Variants in HECW1 observed in about 807,000 individuals in gnomAD.
HECW1 encodes E3 ubiquitin-protein ligase HECW1.
A neutral mutation model predicts 182.3 loss-of-function variants in HECW1; 61 were observed. The ratio of observed to expected loss-of-function variants is 0.33; its 90% CI spans 0.27 to 0.41. The LOEUF (loss-of-function observed/expected upper bound fraction) is 0.41. Ranked by LOEUF, HECW1 falls within the 10% of genes least tolerant of loss-of-function variation. The probability of loss-of-function intolerance (pLI) is 1.00; values close to 1 mark genes in which losing one functional copy is unlikely to be tolerated. For missense variants in HECW1, 1,739 were observed against 2,108.9 expected, an observed-to-expected ratio of 0.82 and a Z score of 3.44; for synonymous variants, 859 against 832.6, an observed-to-expected ratio of 1.03 and a Z score of -0.55.
At chr7:43,553,873 C>T (rs73100779) in intron 28 of HECW1, among the ~76,000 whole-genome samples, 24,206 of 152,194 alleles carry the variant, frequency 0.16, 2,541 homozygotes, top group Non-Finnish European at 0.24. Context: ...GCCCTTTGCA[C>T]GCTGCTCGTA....
At chr7:43,359,293 A>G (rs1279063578) in intron 5 of HECW1, among the ~76,000 whole-genome samples, 1 of 152,198 alleles carries the variant, frequency 6.6e-6, no homozygotes, top group African/African-American at 2.4e-5. Context: ...AAAATGTAGT[A>G]CTTTAGCTGG....
chr7:43,282,036 C>T (rs1291396389), intron 3 of HECW1, among the ~76,000 whole-genome samples: 2 of 152,194 alleles, frequency 1.3e-5, no homozygotes, highest in African/African-American at 4.8e-5. Context: ...GACTTTATTG[C>T]ACTCTGCCTC....
chr7:43,541,678 T>C (rs1403695128), intron 25 of HECW1, among the ~76,000 whole-genome samples, 191 bp from the exon 26 acceptor site: 1 of 152,264 alleles, frequency 6.6e-6, no homozygotes, highest in African/African-American at 2.4e-5. Context: ...AATTTCACAT[T>C]TCCTTTTCAA....
chr7:43,247,882 A>AGGG (rs147641471), intron 3 of HECW1, among the ~76,000 whole-genome samples: 41,397 of 119,538 alleles, frequency 0.35, 11,129 homozygotes, highest in African/African-American at 0.78. Flanking sequence ...GCAAGCAAGA[A>AGGG]AGGGAGGGAG....
chr7:43,221,766 G>A (rs1161304707), intron 2 of HECW1, among the ~76,000 whole-genome samples: 1 of 151,860 alleles, frequency 6.6e-6, no homozygotes, highest in Non-Finnish European at 1.5e-5. Context: ...TATTAGCCAG[G>A]ATGGTGTCGA....
chr7:43,392,359 A>G (rs559200349), intron 6 of HECW1, among the ~76,000 whole-genome samples: 1 of 152,362 alleles, frequency 6.6e-6, no homozygotes, highest in South Asian at 2.1e-4. Flanking sequence ...GAAATGCCAT[A>G]TGCACTAAAG....
intron 6 of HECW1, among the ~76,000 whole-genome samples, chr7:43,375,175 A>G (rs180901863): frequency 3.9e-5 from 6 of 152,354 alleles, no homozygotes; most frequent in African/African-American, 1.2e-4. Context: ...TTTTGAACTG[A>G]AGAATGCTAT....
chr7:43,463,608 C>T (rs1382099653), intron 13 of HECW1, 52 bp from the exon 14 acceptor site: 3 of 1,572,560 alleles, frequency 1.9e-6, no homozygotes, highest in Non-Finnish European at 2.6e-6. Context: ...AGTTTTGGCC[C>T]CCAAGGAGCA....
chr7:43,138,947 A>G (rs907461123), intron 2 of HECW1, among the ~76,000 whole-genome samples: 1 of 152,214 alleles, frequency 6.6e-6, no homozygotes, highest in Non-Finnish European at 1.5e-5. Context: ...CACCAGGGCC[A>G]GGTTTCCATG....
intron 2 of HECW1, among the ~76,000 whole-genome samples, chr7:43,237,703 T>G (rs1798502596): frequency 6.6e-6 from 1 of 152,204 alleles, no homozygotes; most frequent in South Asian, 2.1e-4. Context: ...CAATGCATGT[T>G]GGGTGACTCT....
chr7:43,382,841 G>A (rs1454716669), intron 6 of HECW1, among the ~76,000 whole-genome samples: 2 of 152,136 alleles, frequency 1.3e-5, no homozygotes, highest in Non-Finnish European at 2.9e-5. Flanking sequence ...GTATACATGT[G>A]CCATGGTGGA....
At chr7:43,477,981 A>AG (rs1287779562) in intron 16 of HECW1, among the ~76,000 whole-genome samples, 7 of 152,288 alleles carry the variant, frequency 4.6e-5, no homozygotes, top group Admixed American at 1.3e-4. Context: ...GTAATTAAAA[A>AG]GTTGTCTTAT....
intron 8 of HECW1, among the ~76,000 whole-genome samples, chr7:43,433,197 T>G (rs937312198): frequency 1.3e-5 from 2 of 152,232 alleles, no homozygotes; most frequent in Non-Finnish European, 2.9e-5. Flanking sequence ...AAACTCAGGT[T>G]TGAAGAATGC....
intron 2 of HECW1, among the ~76,000 whole-genome samples, chr7:43,138,627 C>T (rs1003044404): frequency 6.6e-6 from 1 of 152,170 alleles, no homozygotes; most frequent in African/African-American, 2.4e-5. Context: ...ATGTCTACAA[C>T]GTTTGCTTTT....
At chr7:43,475,735 A>G (rs1030030812) in intron 16 of HECW1, among the ~76,000 whole-genome samples, 2 of 151,896 alleles carry the variant, frequency 1.3e-5, no homozygotes, top group Non-Finnish European at 2.9e-5. Flanking sequence ...ATATTTTTGT[A>G]TTTTTTTGGT....
intron 2 of HECW1, among the ~76,000 whole-genome samples, chr7:43,139,711 C>T (rs370598048): frequency 3.9e-4 from 59 of 152,090 alleles, no homozygotes; most frequent in African/African-American, 1.4e-3. Context: ...ATATTGTTCC[C>T]GGCTTCTAAT....
chr7:43,137,349 T>C (rs776356676), intron 2 of HECW1, among the ~76,000 whole-genome samples: 11 of 152,154 alleles, frequency 7.2e-5, no homozygotes, highest in Non-Finnish European at 1.3e-4. Context: ...AAGACCATGA[T>C]TAAATGGTCT....
At chr7:43,203,201 A>G (rs1795171739) in intron 2 of HECW1, among the ~76,000 whole-genome samples, 1 of 151,994 alleles carries the variant, frequency 6.6e-6, no homozygotes, top group African/African-American at 2.4e-5. Context: ...TTATATTTCA[A>G]ATAGTTTTAT....
At chr7:43,323,775 C>A (rs1810432560) in intron 5 of HECW1, among the ~76,000 whole-genome samples, 1 of 152,166 alleles carries the variant, frequency 6.6e-6, no homozygotes. Flanking sequence ...TGCCTATAAT[C>A]CCAGCACTTT....
Sources: allele counts gnomAD v4.1 joint callset (sites outside exome capture counted in the v4.1 genomes callset), GRCh38; gene constraint gnomAD v4.1.1; transcripts MANE v1.5; gene names NCBI Gene and HGNC (gene_info 2026-07-23, HGNC 2026-07-21).